Variants in LRBA observed in about 807,000 individuals in gnomAD.
The protein encoded by LRBA is LPS responsive beige-like anchor protein.
Under a neutral mutation model 330.0 loss-of-function variants are expected in LRBA, and 176 were observed. That is an observed-to-expected ratio of 0.53 (90% CI 0.47 to 0.60). The LOEUF (loss-of-function observed/expected upper bound fraction) is 0.60. Ranked by LOEUF, LRBA falls within the 20% of genes least tolerant of loss-of-function variation. The probability of loss-of-function intolerance (pLI) is 0.00; values close to 1 mark genes in which losing one functional copy is unlikely to be tolerated. For missense variants in LRBA, 3,259 were observed against 3,444.8 expected (o/e 0.95, Z 1.35); for synonymous variants, 1,230 against 1,193.0 (o/e 1.03, Z -0.64).
intron 40 of LRBA, among the ~76,000 whole-genome samples, chr4:150,503,420 G>A (rs1054780810): frequency 1.1e-4 from 16 of 152,166 alleles, no homozygotes; most frequent in Non-Finnish European, 1.0e-4. Context: ...TGCAGCCACC[G>A]CTGCTGACAC....
chr4:150,728,098 T>C (rs1400020337), intron 36 of LRBA, among the ~76,000 whole-genome samples: 1 of 152,154 alleles, frequency 6.6e-6, no homozygotes, highest in Non-Finnish European at 1.5e-5. Context: ...TCAATAAATT[T>C]GGAAAATCTA....
chr4:150,491,195 T>C (rs1481883874), intron 40 of LRBA, among the ~76,000 whole-genome samples, 160 bp from the exon 41 acceptor site: 1 of 151,962 alleles, frequency 6.6e-6, no homozygotes, highest in Non-Finnish European at 1.5e-5. Context: ...GAAAATAAAT[T>C]GTAATTTATA....
intron 48 of LRBA, among the ~76,000 whole-genome samples, chr4:150,346,381 G>A (rs932503731): frequency 2.0e-5 from 3 of 152,080 alleles, no homozygotes; most frequent in South Asian, 4.2e-4. Context: ...TAACTACTTA[G>A]GATTGTGGTA....
chr4:150,316,644 A>G (rs1731759852), intron 50 of LRBA, among the ~76,000 whole-genome samples: 1 of 152,162 alleles, frequency 6.6e-6, no homozygotes, highest in South Asian at 2.1e-4. Context: ...CTTGGTTGGT[A>G]TTAGAGCTCT....
intron 34 of LRBA, among the ~76,000 whole-genome samples, chr4:150,765,024 T>C (rs57790879): frequency 0.091 from 13,798 of 151,436 alleles, 1,097 homozygotes; most frequent in African/African-American, 0.21. Flanking sequence ...AAACAAAATG[T>C]CCTTCAGAAG....
At chr4:150,560,254 A>G (rs1768141874) in intron 40 of LRBA, among the ~76,000 whole-genome samples, 1 of 151,798 alleles carries the variant, frequency 6.6e-6, no homozygotes, top group Admixed American at 6.6e-5. Context: ...ATAGAGAGAG[A>G]CAATGTCAGA....
intron 17 of LRBA, among the ~76,000 whole-genome samples, chr4:150,886,667 A>C (rs1728970006): frequency 6.6e-6 from 1 of 152,200 alleles, no homozygotes; most frequent in Admixed American, 6.5e-5. Context: ...ATGCACAGAG[A>C]AGAGGTGGAA....
intron 37 of LRBA, among the ~76,000 whole-genome samples, chr4:150,661,114 G>A (rs1009817729): frequency 6.1e-5 from 9 of 148,472 alleles, no homozygotes; most frequent in African/African-American, 2.2e-4. Context: ...TCCAAATGAG[G>A]GTTACAGTGT....
In LRBA at chr4:150,639,771, ATATATATATATGTGTGTGTG is replaced by A. The variant is rs1561457300; in HGVS notation, c.5922-40660_5922-40641del. Among the ~76,000 whole-genome samples the A allele has an allele frequency of 0.017, 138 of 8,014 alleles. 39 individuals are homozygous for A. The East Asian group carries it at 0.22, about 13-fold the overall frequency. The allele number at this position is 8,014 out of a possible 152,430, so 5.3% of individuals were successfully genotyped here. ...TATATATATATATATATATATATAT[ATATATATATATGTGTGTGTG>A]TATATATATATATATGTGTGTGTGT... On this transcript the variant is annotated intron_variant, in intron 37 of 56. Coordinates refer to ENST00000651943, the MANE Select transcript of LRBA (RefSeq NM_001364905.1).
rs1756580530 is a variant in LRBA at position 150,475,245 on chromosome 4, T to A, written c.6552-3506A>T. Among the ~76,000 whole-genome samples the A allele has an allele frequency of 3.3e-5, 5 of 152,298 alleles. No homozygotes were observed. In the South Asian group the frequency reaches 1.0e-3, roughly 32 times the overall value. On this transcript the variant is annotated intron_variant, in intron 42 of 56. Coordinates refer to ENST00000651943, the MANE Select transcript of LRBA (RefSeq NM_001364905.1). ...GGCCTATAGCATTTTTCTTGTTAGT[T>A]TTCCTGTAATGTCTTTGTCTGGCAG... is the stretch of plus-strand genomic sequence containing the variant.
intron 40 of LRBA, among the ~76,000 whole-genome samples, chr4:150,560,136 G>A (rs1285216254): frequency 6.7e-6 from 1 of 150,164 alleles, no homozygotes; most frequent in East Asian, 2.0e-4. Flanking sequence ...TATTCAGGGG[G>A]AAAGGAGTAT....
intron 52 of LRBA, among the ~76,000 whole-genome samples, chr4:150,309,965 A>G (rs1206310444): frequency 6.6e-6 from 1 of 152,194 alleles, no homozygotes; most frequent in Non-Finnish European, 1.5e-5. Flanking sequence ...TTTGCCTTCA[A>G]AATGAATCAT....
At chr4:150,974,736 G>C (rs1361523126) in intron 2 of LRBA, among the ~76,000 whole-genome samples, 1 of 152,138 alleles carries the variant, frequency 6.6e-6, no homozygotes, top group African/African-American at 2.4e-5. Context: ...ATGGAGAGAA[G>C]AAAAGTTCTC....
intron 2 of LRBA, among the ~76,000 whole-genome samples, chr4:150,964,727 T>C (rs552480588): frequency 1.3e-5 from 2 of 152,068 alleles, no homozygotes; most frequent in Non-Finnish European, 2.9e-5. Context: ...CCAGAGACCT[T>C]TGTTCACATG....
chr4:150,826,361 G>C (rs1023104445), intron 30 of LRBA, among the ~76,000 whole-genome samples: 1 of 152,204 alleles, frequency 6.6e-6, no homozygotes, highest in African/African-American at 2.4e-5. Flanking sequence ...GCAAGGAAGA[G>C]AAGTGAGCAC....
At chr4:150,371,438 C>T (rs1291285662) in intron 47 of LRBA, among the ~76,000 whole-genome samples, 2 of 151,982 alleles carry the variant, frequency 1.3e-5, no homozygotes, top group Non-Finnish European at 2.9e-5. Flanking sequence ...GGTGATCTGC[C>T]TGCCTCGGTC....
At chr4:150,567,283 G>A (rs1305360690) in intron 40 of LRBA, among the ~76,000 whole-genome samples, 1 of 152,200 alleles carries the variant, frequency 6.6e-6, no homozygotes, top group South Asian at 2.1e-4. Context: ...TTCAGAGTAG[G>A]ATAACAAGAT....
chr4:150,487,830 A>G lies in LRBA; in HGVS notation c.6453T>C (p.Ala2151=), dbSNP rs764874900. The G allele has an allele frequency of 1.3e-6, 2 of 1,563,674 alleles. No homozygotes were observed. The highest frequency in any genetic ancestry group is 1.3e-5 in the African/African-American group (1 of 74,186). Residue 2151 remains alanine, a synonymous_variant, in exon 42 of 57, where the codon GCT becomes GCC. Coordinates refer to ENST00000651943, the MANE Select transcript of LRBA (RefSeq NM_001364905.1). The part of the protein sequence containing the change: ...ALEIFMANRV[A]VMFNFPDPAT... ...CAGGGTCTGGGAAGTTGAACATCAC[A>G]GCAACTACAACAGATGATTTTTAAA...
intron 48 of LRBA, among the ~76,000 whole-genome samples, chr4:150,344,965 C>A (rs762589252): frequency 6.6e-6 from 1 of 152,176 alleles, no homozygotes; most frequent in African/African-American, 2.4e-5. Flanking sequence ...CTAGCCATCT[C>A]TTTTATCTAT....
Sources: allele counts gnomAD v4.1 joint callset (sites outside exome capture counted in the v4.1 genomes callset), GRCh38; gene constraint gnomAD v4.1.1; transcripts MANE v1.5; gene names NCBI Gene and HGNC (gene_info 2026-07-23, HGNC 2026-07-21).